The following CSMD3 variants were observed in gnomAD, a reference collection of about 807,000 sequenced individuals.
CSMD3 encodes CUB and Sushi multiple domains 3.
CSMD3 carries 177 observed loss-of-function variants against 435.2 expected under a neutral mutation model. The ratio of observed to expected loss-of-function variants is 0.41; its 90% confidence interval spans 0.36 to 0.46. CSMD3 has a LOEUF of 0.46. CSMD3 is among the 20% of genes least tolerant of loss of function. The pLI is 0.34. For synonymous variants in CSMD3, 1,656 were observed against 1,520.5 expected (o/e 1.09, Z -2.07); for missense variants, 4,265 against 4,504.6 (o/e 0.95, Z 1.52).
At chr8:112,569,960 G>A (rs985052058) in intron 24 of CSMD3, among the ~76,000 whole-genome samples, 2 of 152,046 alleles carry the variant, frequency 1.3e-5, no homozygotes, top group African/African-American at 4.8e-5. Context: ...TGAGTACTGT[G>A]ACCTCCTCTG....
chr8:113,360,413 C>T (rs1417273134), intron 1 of CSMD3, among the ~76,000 whole-genome samples: 1 of 152,058 alleles, frequency 6.6e-6, no homozygotes, highest in Non-Finnish European at 1.5e-5. Context: ...ACAGGGTTTA[C>T]ATACATTGAT....
chr8:112,958,688 C>T (rs1379690329), intron 7 of CSMD3, among the ~76,000 whole-genome samples: 1 of 152,138 alleles, frequency 6.6e-6, no homozygotes, highest in African/African-American at 2.4e-5. Flanking sequence ...AAAATGCCTA[C>T]TATAAAAATT....
chr8:112,685,812 AT>A, intron 14 of CSMD3, 80 bp from the exon 15 acceptor site: 1 of 876,112 alleles, frequency 1.1e-6, no homozygotes, highest in Non-Finnish European at 1.9e-6. Context: ...TTCTACAATT[AT>A]GATAATCAAT....
At chr8:112,598,387 G>C (rs977016676) in intron 22 of CSMD3, among the ~76,000 whole-genome samples, 27 of 151,102 alleles carry the variant, frequency 1.8e-4, no homozygotes, top group Admixed American at 1.8e-3. Flanking sequence ...ACAAATGGAA[G>C]AACATTCCAT....
chr8:112,274,374 G>A (rs1019908010), intron 59 of CSMD3, among the ~76,000 whole-genome samples: 2 of 152,176 alleles, frequency 1.3e-5, no homozygotes, highest in African/African-American at 4.8e-5. Flanking sequence ...ACAGGGAAGA[G>A]GAAGCTATGC....
At chr8:113,000,029 AG>A (rs1029175430) in intron 6 of CSMD3, among the ~76,000 whole-genome samples, 1 of 152,006 alleles carries the variant, frequency 6.6e-6, no homozygotes, top group Admixed American at 6.6e-5. Context: ...ATGGGCATAG[AG>A]GATTTAAAGC....
At chr8:113,195,864 G>C (rs958294425) in intron 3 of CSMD3, among the ~76,000 whole-genome samples, 11 of 143,770 alleles carry the variant, frequency 7.7e-5, no homozygotes, top group African/African-American at 2.3e-4. Flanking sequence ...TGCATATATA[G>C]TGCTCAGTGT....
chr8:112,593,029 G>T (rs779344052), intron 22 of CSMD3, among the ~76,000 whole-genome samples: 1 of 152,166 alleles, frequency 6.6e-6, no homozygotes, highest in Admixed American at 6.5e-5. Flanking sequence ...ATTTGAGAAA[G>T]AAATGTGGTT....
At chr8:113,019,265 C>T in intron 5 of CSMD3, 86 bp from the exon 6 acceptor site, 1 of 816,352 alleles carries the variant, frequency 1.2e-6, no homozygotes, top group African/African-American at 1.7e-5. Flanking sequence ...AACAAATGTC[C>T]AACTATATTC....
intron 10 of CSMD3, among the ~76,000 whole-genome samples, chr8:112,879,578 ATAAAAACTTGC>A: frequency 6.6e-6 from 1 of 152,038 alleles, no homozygotes; most frequent in South Asian, 2.1e-4. Context: ...GAACTCCATA[ATAAAAACTTGC>A]TGGTTTTGTG....
intron 13 of CSMD3, among the ~76,000 whole-genome samples, chr8:112,787,148 G>T (rs1289211540): frequency 6.6e-6 from 1 of 152,106 alleles, no homozygotes; most frequent in African/African-American, 2.4e-5. Context: ...GGGCATTTGG[G>T]TTGGTTCCAA....
intron 57 of CSMD3, 101 bp from the exon 58 acceptor site, chr8:112,287,347 G>C: frequency 9.7e-7 from 1 of 1,031,918 alleles, no homozygotes; most frequent in Non-Finnish European, 1.5e-6. Flanking sequence ...TGTGCATGCG[G>C]TGTTTTAGCA....
chr8:112,490,712 T>C (rs528128623), intron 31 of CSMD3, among the ~76,000 whole-genome samples: 1 of 152,280 alleles, frequency 6.6e-6, no homozygotes, highest in South Asian at 2.1e-4. Context: ...TTCCAAATGA[T>C]CATTGACAGT....
intron 4 of CSMD3, among the ~76,000 whole-genome samples, chr8:113,112,226 G>A (rs944129178): frequency 2.6e-5 from 4 of 151,086 alleles, no homozygotes; most frequent in Non-Finnish European, 4.4e-5. Flanking sequence ...TCCATGGTAT[G>A]TATGTGATTA....
chr8:112,486,376 C>G (rs1294833507), intron 31 of CSMD3, among the ~76,000 whole-genome samples: 1 of 152,064 alleles, frequency 6.6e-6, no homozygotes, highest in Non-Finnish European at 1.5e-5. Context: ...TGACTTTGAA[C>G]TAGTGGATGA....
intron 28 of CSMD3, 65 bp downstream of exon 28, chr8:112,516,969 A>C (rs1419147831): frequency 7.9e-7 from 1 of 1,267,298 alleles, no homozygotes; most frequent in Admixed American, 1.7e-5. Context: ...GTTCTTAAGA[A>C]CAATACCAGT....
chr8:113,297,480 T>C (rs138100060), intron 2 of CSMD3, among the ~76,000 whole-genome samples: 3 of 149,806 alleles, frequency 2.0e-5, no homozygotes, highest in Non-Finnish European at 2.9e-5. Context: ...GTAAATCAGA[T>C]GGGAACAATA....
intron 6 of CSMD3, among the ~76,000 whole-genome samples, chr8:113,010,759 T>C (rs2086228363): frequency 6.6e-6 from 1 of 151,656 alleles, no homozygotes; most frequent in Non-Finnish European, 1.5e-5. Context: ...TGTCTTAAAA[T>C]TGCAAAGGTA....
chr8:112,687,391 A>G (rs1192281936), intron 14 of CSMD3, among the ~76,000 whole-genome samples: 3 of 152,132 alleles, frequency 2.0e-5, no homozygotes, highest in Non-Finnish European at 4.4e-5. Flanking sequence ...CTCTTAGTTT[A>G]TAATATGCAT....
Sources: gnomAD v4.1 joint callset for allele counts (sites outside exome capture counted in the v4.1 genomes callset) on GRCh38, gnomAD v4.1.1 for gene constraint, MANE v1.5 for transcripts, NCBI Gene and HGNC (gene_info 2026-07-23, HGNC 2026-07-21) for gene names.